The following CPQ variants were observed in gnomAD, a reference collection of about 807,000 sequenced individuals.
CPQ encodes the protein Ser-Met dipeptidase.
In CPQ, 37 loss-of-function variants were observed where a neutral mutation model predicts 45.7. The observed-to-expected ratio is 0.81, with a 90% CI of 0.62 to 1.07. The LOEUF (loss-of-function observed/expected upper bound fraction) is 1.07. Ranked by LOEUF, CPQ falls within the 50% of genes least tolerant of loss-of-function variation. CPQ has a pLI of 0.00. For missense variants in CPQ, 537 were observed against 572.9 expected, an observed-to-expected ratio of 0.94 and a Z score of 0.64; for synonymous variants, 186 against 205.8, an observed-to-expected ratio of 0.90 and a Z score of 0.82.
intron 4 of CPQ, among the ~76,000 whole-genome samples, chr8:96,882,048 G>A (rs1391913058): frequency 1.3e-5 from 2 of 152,204 alleles, no homozygotes; most frequent in African/African-American, 4.8e-5. Context: ...TGGTGATGGA[G>A]AAACAAGTCT....
chr8:96,806,578 C>T (rs1237704670), intron 2 of CPQ, among the ~76,000 whole-genome samples: 1 of 152,160 alleles, frequency 6.6e-6, no homozygotes, highest in Non-Finnish European at 1.5e-5. Flanking sequence ...AATGGATGAA[C>T]TGTAGTTACA....
At chr8:96,985,252 G>C (rs1813994410) in intron 5 of CPQ, among the ~76,000 whole-genome samples, 2 of 144,576 alleles carry the variant, frequency 1.4e-5, no homozygotes, top group South Asian at 4.4e-4. Context: ...TTCAATCTGA[G>C]AACTGGGAGC....
chr8:96,888,661 C>T (rs954863676), intron 4 of CPQ, among the ~76,000 whole-genome samples: 1 of 152,148 alleles, frequency 6.6e-6, no homozygotes, highest in Non-Finnish European at 1.5e-5. Context: ...TGTGGTACTT[C>T]TTAAGCCTTT....
chr8:96,901,028 T>C (rs955712952), intron 4 of CPQ, among the ~76,000 whole-genome samples: 1 of 152,134 alleles, frequency 6.6e-6, no homozygotes. Flanking sequence ...GAGAGATATA[T>C]TCCTTGAGCG....
At chr8:96,730,350 A>G (rs1809893526) in intron 1 of CPQ, among the ~76,000 whole-genome samples, 1 of 152,208 alleles carries the variant, frequency 6.6e-6, no homozygotes, top group South Asian at 2.1e-4. Context: ...GTGGTCTGAC[A>G]TTTTGAGTTT....
At chr8:96,714,225 T>C (rs1050566215) in intron 1 of CPQ, among the ~76,000 whole-genome samples, 2 of 152,240 alleles carry the variant, frequency 1.3e-5, no homozygotes, top group African/African-American at 4.8e-5. Flanking sequence ...TTCCATCAAA[T>C]AAGTTTTCCA....
intron 3 of CPQ, among the ~76,000 whole-genome samples, chr8:96,875,607 C>T (rs1352791303): frequency 6.6e-6 from 1 of 151,738 alleles, no homozygotes; most frequent in East Asian, 1.9e-4. Flanking sequence ...TTGGCCATTC[C>T]TAGAAGGGTT....
intron 2 of CPQ, among the ~76,000 whole-genome samples, chr8:96,800,479 T>C (rs1277031508): frequency 3.3e-5 from 5 of 152,180 alleles, no homozygotes; most frequent in Non-Finnish European, 5.9e-5. Flanking sequence ...ACTTTTCTGG[T>C]ATATTTCCCA....
In CPQ at chr8:97,123,067, A is replaced by AAAAT. The variant is rs1563587112; in HGVS notation, c.1256-19949_1256-19946dup. Among the ~76,000 whole-genome samples the AAAAT allele has an allele frequency of 7.8e-4, 53 of 68,360 alleles. 2 individuals carry two copies. Among genetic ancestry groups the AAAAT allele is most frequent in the African/African-American group, 2.3e-3 (22 of 9,374 alleles). The allele number at this position is 68,360 out of a possible 152,430, so 44.8% of individuals were successfully genotyped here. A position where few individuals can be genotyped will look rare whatever the true frequency, so the allele number is the denominator to read the frequency against. Reference sequence around the variant, plus strand: ...ATAAATAAAATAAAATAAAATAAAAAAAATAAAATAAAATAAATAAAATAA... The same window carrying AAAAT: ...ATAAATAAAATAAAATAAAATAAAAAAAATAAATAAAATAAAATAAATAAAATAA... On this transcript the variant is annotated intron_variant, in intron 7 of 7. Coordinates refer to ENST00000220763, the MANE Select transcript of CPQ (RefSeq NM_016134.4).
At chr8:97,129,981 G>A (rs1312416150) in intron 7 of CPQ, among the ~76,000 whole-genome samples, 1 of 152,094 alleles carries the variant, frequency 6.6e-6, no homozygotes, top group Non-Finnish European at 1.5e-5. Context: ...GCCCTGCTAT[G>A]GATGCAAAAA....
chr8:96,981,188 A>C (rs1043950198), intron 5 of CPQ, among the ~76,000 whole-genome samples: 2 of 152,182 alleles, frequency 1.3e-5, no homozygotes, highest in Non-Finnish European at 2.9e-5. Flanking sequence ...TATAGTCACA[A>C]CACCACAATT....
At chr8:96,941,423 A>G (rs1008040417) in intron 4 of CPQ, among the ~76,000 whole-genome samples, 6 of 152,142 alleles carry the variant, frequency 3.9e-5, no homozygotes, top group African/African-American at 1.4e-4. Context: ...ACTGGCTTGC[A>G]TGTAAATCAG....
intron 1 of CPQ, among the ~76,000 whole-genome samples, chr8:96,681,768 A>G (rs562843634): frequency 8.5e-5 from 13 of 152,294 alleles, no homozygotes; most frequent in African/African-American, 2.9e-4. Flanking sequence ...GGGGGGCTAT[A>G]CCCTGCAAAG....
At chr8:96,974,495 C>T (rs1813742272) in intron 5 of CPQ, among the ~76,000 whole-genome samples, 1 of 151,940 alleles carries the variant, frequency 6.6e-6, no homozygotes, top group Non-Finnish European at 1.5e-5. Flanking sequence ...AAAACTCTAC[C>T]TAAATGATAC....
At chr8:96,649,420 A>G (rs1024559394) in intron 1 of CPQ, among the ~76,000 whole-genome samples, 6 of 152,266 alleles carry the variant, frequency 3.9e-5, no homozygotes, top group Admixed American at 3.9e-4. Flanking sequence ...TGCTATTGCC[A>G]TAGGTCTAAT....
intron 1 of CPQ, among the ~76,000 whole-genome samples, chr8:96,746,961 G>A (rs1199079626): frequency 6.6e-6 from 1 of 152,086 alleles, no homozygotes; most frequent in Non-Finnish European, 1.5e-5. Flanking sequence ...ATTTTAAGTA[G>A]TATGTTATGG....
At chr8:96,914,042 A>C (rs1008248888) in intron 4 of CPQ, among the ~76,000 whole-genome samples, 2 of 152,208 alleles carry the variant, frequency 1.3e-5, no homozygotes, top group African/African-American at 4.8e-5. Context: ...TAGACAAAAC[A>C]GATTTTGTCA....
At chr8:97,117,045 G>A (rs1240941867) in intron 7 of CPQ, among the ~76,000 whole-genome samples, 6 of 152,320 alleles carry the variant, frequency 3.9e-5, no homozygotes, top group South Asian at 2.1e-4. Context: ...CTTTGTTTAC[G>A]TGTGTTTCAG....
At chr8:96,892,270 A>G (rs1812387250) in intron 4 of CPQ, among the ~76,000 whole-genome samples, 1 of 152,190 alleles carries the variant, frequency 6.6e-6, no homozygotes, top group Non-Finnish European at 1.5e-5. Flanking sequence ...TGGTGGATAA[A>G]CTCATTCCAT....
Sources: allele counts gnomAD v4.1 joint callset (sites outside exome capture counted in the v4.1 genomes callset), GRCh38; gene constraint gnomAD v4.1.1; transcripts MANE v1.5; gene names NCBI Gene and HGNC (gene_info 2026-07-23, HGNC 2026-07-21).